The following ARHGEF4 variants were observed in gnomAD, a reference collection of about 807,000 sequenced individuals.
The protein encoded by ARHGEF4 is Rho guanine nucleotide exchange factor 4.
In ARHGEF4, 119 loss-of-function variants were observed where a neutral mutation model predicts 162.0. The observed-to-expected ratio is 0.73, with a 90% CI of 0.63 to 0.86. The LOEUF (loss-of-function observed/expected upper bound fraction) is 0.86, where lower values mean the gene tolerates loss of function less well. ARHGEF4 is among the 40% of genes least tolerant of loss of function. ARHGEF4 has a pLI of 0.00. For synonymous variants in ARHGEF4, 1,014 were observed against 979.9 expected, an observed-to-expected ratio of 1.03 and a Z score of -0.65; for missense variants, 2,488 against 2,456.0, an observed-to-expected ratio of 1.01 and a Z score of -0.28.
chr2:130,925,156 G>A (rs1246405448), intron 2 of ARHGEF4, among the ~76,000 whole-genome samples: 1 of 151,876 alleles, frequency 6.6e-6, no homozygotes, highest in Non-Finnish European at 1.5e-5. Flanking sequence ...TTTGTATGGA[G>A]AGATACATAC....
chr2:131,042,456 C>T (rs1456147016), intron 10 of ARHGEF4, among the ~76,000 whole-genome samples: 1 of 151,922 alleles, frequency 6.6e-6, no homozygotes, highest in Non-Finnish European at 1.5e-5. Context: ...CCTCCACCCA[C>T]CCCCACTTGC....
intron 1 of ARHGEF4, among the ~76,000 whole-genome samples, chr2:130,887,625 T>A (rs4850265): frequency 0.31 from 46,633 of 151,932 alleles, 9,747 homozygotes; most frequent in African/African-American, 0.57. Context: ...GTTTGTAAAT[T>A]TATTCGTTAA....
At chr2:130,848,288 T>C (rs1017394875) in intron 1 of ARHGEF4, among the ~76,000 whole-genome samples, 8 of 152,174 alleles carry the variant, frequency 5.3e-5, no homozygotes, top group East Asian at 1.9e-4. Context: ...AACCACCTTG[T>C]GCGCTGCCCC....
intron 1 of ARHGEF4, among the ~76,000 whole-genome samples, chr2:130,867,936 C>CTTTTTTTT (rs1156618796): frequency 8.3e-6 from 1 of 119,936 alleles, no homozygotes; most frequent in Non-Finnish European, 1.7e-5. Flanking sequence ...TTTTTTTTTT[C>CTTTTTTTT]TTTTTTTTTT....
chr2:131,027,697 T>G (rs1689571117), intron 4 of ARHGEF4, among the ~76,000 whole-genome samples: 1 of 152,230 alleles, frequency 6.6e-6, no homozygotes, highest in Non-Finnish European at 1.5e-5. Context: ...TATGTTTCCT[T>G]GTCAGCCAAG....
intron 1 of ARHGEF4, 47 bp from the exon 2 acceptor site, chr2:130,913,939 G>A: frequency 6.5e-7 from 1 of 1,534,410 alleles, no homozygotes; most frequent in Non-Finnish European, 8.7e-7. Flanking sequence ...CATGTGCACA[G>A]ATGTACTCAG....
In ARHGEF4 at chr2:130,977,702, GTTTT is replaced by G. The variant is rs367877300; in HGVS notation, c.3985+31072_3985+31075del. On this transcript the variant is annotated intron_variant, in intron 4 of 13. Transcript: ENST00000409359. ...TGCGCTGTGTGCATTGTGCAAACGT[GTTTT>G]TTTTGCATCTTGTGCGTGTGTGGTG... is the stretch of plus-strand genomic sequence containing the variant. Among the ~76,000 whole-genome samples, 5 of 151,364 alleles carry G rather than the reference GTTTT, an allele frequency of 3.3e-5. No homozygotes were observed. The East Asian group carries it at 9.7e-4, about 29-fold the overall frequency.
At chr2:130,985,155 G>A (rs7581517) in intron 4 of ARHGEF4, among the ~76,000 whole-genome samples, 93,448 of 151,978 alleles carry the variant, frequency 0.61, 32,565 homozygotes, top group Non-Finnish European at 0.77. Flanking sequence ...TTCTAGGAAG[G>A]GGCTTCTTCC....
At chr2:130,945,607 G>C (rs1683563301) in intron 3 of ARHGEF4, among the ~76,000 whole-genome samples, 1 of 152,068 alleles carries the variant, frequency 6.6e-6, no homozygotes, top group Non-Finnish European at 1.5e-5. Flanking sequence ...GTTTCAAGCT[G>C]GTATTGAGTT....
At chr2:130,995,115 T>C (rs776924015) in intron 4 of ARHGEF4, among the ~76,000 whole-genome samples, 26 of 152,236 alleles carry the variant, frequency 1.7e-4, no homozygotes, top group Non-Finnish European at 3.7e-4. Flanking sequence ...TTTTCAAACA[T>C]TGCTTCCAGC....
intron 4 of ARHGEF4, among the ~76,000 whole-genome samples, chr2:130,992,128 G>A (rs938387588): frequency 6.6e-6 from 1 of 152,126 alleles, no homozygotes; most frequent in Non-Finnish European, 1.5e-5. Context: ...CTAATCTGAT[G>A]GGGACGAGGC....
intron 4 of ARHGEF4, among the ~76,000 whole-genome samples, chr2:130,987,944 C>CTGTA (rs1413893956): frequency 6.6e-6 from 1 of 152,192 alleles, no homozygotes; most frequent in Admixed American, 6.5e-5. Context: ...TGGACCCCAG[C>CTGTA]TGTACCACTC....
intron 4 of ARHGEF4, chr2:130,963,747 G>C (rs1049948186): frequency 2.7e-5 from 4 of 146,984 alleles, no homozygotes; most frequent in African/African-American, 9.8e-5. Context: ...CCGGTAGTGG[G>C]CAGCGAGCTG....
At chr2:130,864,755 G>A (rs1011596719) in intron 1 of ARHGEF4, among the ~76,000 whole-genome samples, 1 of 152,132 alleles carries the variant, frequency 6.6e-6, no homozygotes, top group African/African-American at 2.4e-5. Flanking sequence ...AATACAGCAA[G>A]TATTAGTACA....
chr2:130,848,285 T>C (rs272108), intron 1 of ARHGEF4, among the ~76,000 whole-genome samples: 27,260 of 152,164 alleles, frequency 0.18, 4,539 homozygotes, highest in African/African-American at 0.44. Flanking sequence ...CTGAACCACC[T>C]TGTGCGCTGC....
intron 12 of ARHGEF4, 83 bp downstream of exon 12, chr2:131,044,625 G>GCGC: frequency 6.7e-7 from 1 of 1,489,212 alleles, no homozygotes; most frequent in Non-Finnish European, 9.0e-7. Flanking sequence ...GGTCAGGAGA[G>GCGC]CGCCGCTCAG....
At chr2:131,044,819 G>A (rs1408044183) in intron 12 of ARHGEF4, among the ~76,000 whole-genome samples, 2 of 152,222 alleles carry the variant, frequency 1.3e-5, no homozygotes, top group East Asian at 1.9e-4. Context: ...CACTACACGC[G>A]CTCACATGTG....
intron 4 of ARHGEF4, among the ~76,000 whole-genome samples, chr2:131,014,445 A>T (rs1688651073): frequency 6.6e-6 from 1 of 152,226 alleles, no homozygotes; most frequent in Non-Finnish European, 1.5e-5. Context: ...TTCCCAGGTT[A>T]GAAAAAGTCC....
At position 130,839,796 on chromosome 2, in the gene ARHGEF4, C is replaced by T. The variant is rs377552255; in HGVS notation, c.39+2804C>T. Among the ~76,000 whole-genome samples the T allele has an allele frequency of 4.6e-5, 7 of 152,126 alleles. No homozygotes were observed. The East Asian group carries it at 1.3e-3, about 29-fold the overall frequency. ...CAAAATGTTCCAGACAGCTGGACCC[C>T]CTGCTGCCTGCCTGGAGCCGTCACT... On this transcript the variant is annotated intron_variant, in intron 1 of 13. Transcript: ENST00000409359.
Sources: allele counts gnomAD v4.1 joint callset (sites outside exome capture counted in the v4.1 genomes callset), GRCh38; gene constraint gnomAD v4.1.1; transcripts MANE v1.5; gene names NCBI Gene and HGNC (gene_info 2026-07-23, HGNC 2026-07-21).